Variants in PPP2R5E observed in about 807,000 individuals in gnomAD.
The protein encoded by PPP2R5E is protein phosphatase 2 regulatory subunit B'epsilon, also known as serine/threonine-protein phosphatase 2A 56 kDa regulatory subunit epsilon isoform.
Under a neutral mutation model 65.3 loss-of-function variants are expected in PPP2R5E, and 4 were observed. The ratio of observed to expected loss-of-function variants is 0.06; its 90% CI spans 0.03 to 0.14. The LOEUF (loss-of-function observed/expected upper bound fraction) is 0.14, where lower values mean the gene tolerates loss of function less well. Ranked by LOEUF, PPP2R5E falls within the 10% of genes least tolerant of loss-of-function variation. The pLI is 1.00. For missense variants in PPP2R5E, 274 were observed against 556.1 expected (o/e 0.49, Z 5.10); for synonymous variants, 183 against 187.4 (o/e 0.98, Z 0.19).
At chr14:63,473,916 C>T (rs530590920) in intron 2 of PPP2R5E, among the ~76,000 whole-genome samples, 3 of 152,188 alleles carry the variant, frequency 2.0e-5, no homozygotes, top group South Asian at 2.1e-4. Flanking sequence ...GATTTAATTC[C>T]GGATTCAGTA....
chr14:63,426,239 T>C (rs1454367491), intron 3 of PPP2R5E, among the ~76,000 whole-genome samples: 1 of 152,198 alleles, frequency 6.6e-6, no homozygotes, highest in East Asian at 1.9e-4. Flanking sequence ...CCTTGAGAAT[T>C]TGCCCTGAGA....
At chr14:63,461,015 A>T (rs1889428348) in intron 2 of PPP2R5E, among the ~76,000 whole-genome samples, 1 of 152,210 alleles carries the variant, frequency 6.6e-6, no homozygotes, top group South Asian at 2.1e-4. Flanking sequence ...TGGTTACTGA[A>T]ACTTGTCAAC....
At chr14:63,534,516 C>T (rs148756398) in intron 2 of PPP2R5E, among the ~76,000 whole-genome samples, 1 of 152,196 alleles carries the variant, frequency 6.6e-6, no homozygotes, top group East Asian at 1.9e-4. Flanking sequence ...CGCCCCCTGT[C>T]GGCCTCCCCC....
At position 63,479,688 on chromosome 14, in the gene PPP2R5E, G is replaced by A. The variant is rs80328950; in HGVS notation, c.158-25803C>T. Among the ~76,000 whole-genome samples, 1,368 of 152,176 alleles carry A rather than the reference G, an allele frequency of 9.0e-3. 26 individuals are homozygous for A. The highest frequency in any genetic ancestry group is 0.031 in the African/African-American group (1,307 of 41,526). On this transcript the variant is annotated intron_variant, in intron 2 of 13. Coordinates refer to ENST00000337537, the MANE Select transcript of PPP2R5E (RefSeq NM_006246.5). ...AAATTCTTTTCAACAAATCTTAACTGAAAAGGATGATCTCTGAGAATGGGA... is the reference window on the plus strand; with the variant it reads ...AAATTCTTTTCAACAAATCTTAACTAAAAAGGATGATCTCTGAGAATGGGA...
intron 3 of PPP2R5E, among the ~76,000 whole-genome samples, chr14:63,423,002 C>G (rs1427346113): frequency 6.6e-6 from 1 of 152,162 alleles, no homozygotes; most frequent in Non-Finnish European, 1.5e-5. Context: ...AATGGTTGTT[C>G]AAAACATGGC....
intron 2 of PPP2R5E, among the ~76,000 whole-genome samples, chr14:63,455,412 G>A (rs1427034746): frequency 6.6e-6 from 1 of 152,162 alleles, no homozygotes; most frequent in East Asian, 1.9e-4. Context: ...ATCTTTGAAT[G>A]TATAGCATCA....
rs1178361590 is a variant in PPP2R5E at position 63,516,073 on chromosome 14, T to C, written c.157+23456A>G. ...ACCATGTTAGCCAGGATGGTCTCGA[T>C]CTCCTGACCTTGTGATCCGCCCACC... On this transcript the variant is annotated intron_variant, in intron 2 of 13. Transcript: ENST00000337537. Among the ~76,000 whole-genome samples, 6 of 151,360 alleles carry C rather than the reference T, an allele frequency of 4.0e-5. No individual in the cohort carries two copies. In the East Asian group the frequency reaches 5.9e-4, roughly 15 times the overall value.
intron 12 of PPP2R5E, among the ~76,000 whole-genome samples, chr14:63,382,963 A>C (rs1250990369): frequency 6.6e-6 from 1 of 152,204 alleles, no homozygotes; most frequent in Non-Finnish European, 1.5e-5. Context: ...CAAAGAAATG[A>C]AATCAAGCCC....
At chr14:63,490,846 A>G (rs1263259097) in intron 2 of PPP2R5E, among the ~76,000 whole-genome samples, 2 of 152,136 alleles carry the variant, frequency 1.3e-5, no homozygotes, top group African/African-American at 2.4e-5. Context: ...AGAACTAAAA[A>G]TAGAATTACC....
intron 4 of PPP2R5E, among the ~76,000 whole-genome samples, chr14:63,416,555 TA>T (rs1452598718): frequency 6.6e-6 from 1 of 151,962 alleles, no homozygotes; most frequent in Non-Finnish European, 1.5e-5. Flanking sequence ...CCTTTACACT[TA>T]AAAATTAACA....
intron 2 of PPP2R5E, among the ~76,000 whole-genome samples, chr14:63,510,623 T>G (rs1892411752): frequency 6.6e-6 from 1 of 152,094 alleles, no homozygotes; most frequent in Non-Finnish European, 1.5e-5. Context: ...AAACCACAAA[T>G]GCAAAGCCCT....
chr14:63,464,832 G>A (rs1038230841), intron 2 of PPP2R5E, among the ~76,000 whole-genome samples: 3 of 152,144 alleles, frequency 2.0e-5, no homozygotes, highest in African/African-American at 7.2e-5. Flanking sequence ...AAACCAGCCT[G>A]GCCAACATGG....
At chr14:63,458,403 A>G (rs1198307766) in intron 2 of PPP2R5E, among the ~76,000 whole-genome samples, 2 of 152,218 alleles carry the variant, frequency 1.3e-5, no homozygotes, top group Non-Finnish European at 2.9e-5. Flanking sequence ...TGCCTCATTC[A>G]GCACTTTGCA....
chr14:63,520,906 G>A (rs980053657), intron 2 of PPP2R5E, among the ~76,000 whole-genome samples: 1 of 147,994 alleles, frequency 6.8e-6, no homozygotes, highest in Admixed American at 6.8e-5. Context: ...GGGCATGGTA[G>A]CAGGTGCCTG....
At chr14:63,541,840 T>A (rs1303557466) in intron 1 of PPP2R5E, among the ~76,000 whole-genome samples, 6 of 152,216 alleles carry the variant, frequency 3.9e-5, no homozygotes, top group Non-Finnish European at 8.8e-5. Flanking sequence ...AAAAAGTTTT[T>A]AAAAATCTAC....
In PPP2R5E at chr14:63,493,631, CTG is replaced by C. The variant is rs1244443602; in HGVS notation, c.158-39748_158-39747del. Among the ~76,000 whole-genome samples the C allele has an allele frequency of 3.4e-5, 5 of 147,986 alleles. 1 individual carries two copies. Among genetic ancestry groups the C allele is most frequent in the Admixed American group, 1.3e-4 (2 of 15,110 alleles). ...CTTACACTGTATCCAGTGTGACAAA[CTG>C]TACTCAAGCTGTTAGTTTTGCACAT... On this transcript the variant is annotated intron_variant, in intron 2 of 13. Transcript: ENST00000337537.
At chr14:63,486,555 G>A (rs528240114) in intron 2 of PPP2R5E, among the ~76,000 whole-genome samples, 2 of 151,480 alleles carry the variant, frequency 1.3e-5, no homozygotes, top group African/African-American at 4.8e-5. Context: ...CCCATCACAA[G>A]TGTTTACCAA....
intron 2 of PPP2R5E, among the ~76,000 whole-genome samples, chr14:63,484,535 A>T (rs1195687868): frequency 6.6e-6 from 1 of 152,158 alleles, no homozygotes; most frequent in African/African-American, 2.4e-5. Flanking sequence ...AATATTCAAA[A>T]GCAAAAAAAG....
rs1555353680 is a variant in PPP2R5E at position 63,374,634 on chromosome 14, G to GATAGATAGATAGATATATATAT, written c.*1374_*1375insATATATATATCTATCTATCTAT. ...TAAATACAAAGCAGAGAGCCAATAA[G>GATAGATAGATAGATATATATAT]ATATATATATATATATATATATATA... On this transcript the variant is annotated 3_prime_UTR_variant, in exon 14 of 14. Coordinates refer to ENST00000337537, the MANE Select transcript of PPP2R5E (RefSeq NM_006246.5). 9.1e-6 allele frequency: 1 copy of GATAGATAGATAGATATATATAT among 109,598 alleles called. No individual in the cohort carries two copies. Among genetic ancestry groups the GATAGATAGATAGATATATATAT allele is most frequent in the African/African-American group, 4.8e-5 (1 of 20,648 alleles). 6.8% of individuals were successfully genotyped at this position (109,598 alleles called of 1,614,324 possible). A position where few individuals can be genotyped will look rare whatever the true frequency, so the allele number is the denominator to read the frequency against.
Sources: gnomAD v4.1 joint callset for allele counts (sites outside exome capture counted in the v4.1 genomes callset) on GRCh38, gnomAD v4.1.1 for gene constraint, MANE v1.5 for transcripts, NCBI Gene and HGNC (gene_info 2026-07-23, HGNC 2026-07-21) for gene names.